Variants in LCP2 observed in about 807,000 individuals in gnomAD.
LCP2 encodes lymphocyte cytosolic protein 2.
Under a neutral mutation model 74.5 loss-of-function variants are expected in LCP2, and 29 were observed. That is an observed-to-expected ratio of 0.39 (90% CI 0.29 to 0.53). LCP2 has a LOEUF of 0.53. Among genes scored for constraint, LCP2 ranks in the 20% least tolerant of loss-of-function variants. LCP2 has a pLI of 0.72. For missense variants in LCP2, 604 were observed against 634.6 expected (o/e 0.95, Z 0.52); for synonymous variants, 228 against 229.5 (o/e 0.99, Z 0.06).
chr5:170,278,314 T>TG (rs200809214), intron 3 of LCP2, among the ~76,000 whole-genome samples: 5,015 of 79,438 alleles, frequency 0.063, 286 homozygotes, highest in Non-Finnish European at 0.078. Flanking sequence ...ACATGCAGAG[T>TG]GGGGGGCTGG....
chr5:170,273,731 C>A, intron 6 of LCP2: 1 of 155,522 alleles, frequency 6.4e-6, no homozygotes, highest in Admixed American at 6.3e-5. Flanking sequence ...TTGTACAATC[C>A]GTCAGACTCT....
chr5:170,263,112 A>C (rs1451362288), intron 10 of LCP2, 120 bp from the exon 11 acceptor site: 1 of 1,193,936 alleles, frequency 8.4e-7, no homozygotes, highest in African/African-American at 1.5e-5. Context: ...GGGTTTAAGC[A>C]TTAAAGAATC....
At chr5:170,270,955 G>C (rs1209705279) in intron 6 of LCP2, 38 bp from the exon 7 acceptor site, 1 of 1,545,540 alleles carries the variant, frequency 6.5e-7, no homozygotes, top group Admixed American at 1.9e-5. Flanking sequence ...AGTTTGTAGA[G>C]GCTCTGTGGC....
At chr5:170,264,753 G>C (rs540607366) in intron 10 of LCP2, among the ~76,000 whole-genome samples, 35 of 152,076 alleles carry the variant, frequency 2.3e-4, no homozygotes, top group African/African-American at 8.4e-4. Context: ...GAGCTATGAT[G>C]CTGTCACTGC....
chr5:170,258,746 C>G, intron 15 of LCP2, 120 bp downstream of exon 15: 1 of 642,976 alleles, frequency 1.6e-6, no homozygotes, highest in Non-Finnish European at 2.7e-6. Flanking sequence ...CTACTTAATA[C>G]TAATTTAAGA....
At chr5:170,293,425 G>T in intron 1 of LCP2, 53 bp from the exon 2 acceptor site, 3 of 1,520,552 alleles carry the variant, frequency 2.0e-6, no homozygotes, top group Non-Finnish European at 2.7e-6. Flanking sequence ...CTTACCATTG[G>T]TTCCTCTCCC....
At chr5:170,253,313 C>T in intron 17 of LCP2, 100 bp from the exon 18 acceptor site, 2 of 750,366 alleles carry the variant, frequency 2.7e-6, no homozygotes, top group African/African-American at 3.6e-5. Context: ...AAAAAAATAC[C>T]CTTGCGATTG....
At chr5:170,277,645 G>A (rs1010323047) in intron 3 of LCP2, among the ~76,000 whole-genome samples, 1 of 151,390 alleles carries the variant, frequency 6.6e-6, no homozygotes, top group African/African-American at 2.4e-5. Context: ...TCAGGAGGCT[G>A]AGGCAGGAGA....
At chr5:170,262,043 A>AC (rs1761663810) in intron 13 of LCP2, among the ~76,000 whole-genome samples, 1 of 152,122 alleles carries the variant, frequency 6.6e-6, no homozygotes, top group African/African-American at 2.4e-5. Context: ...GATAGTTATG[A>AC]CCCCTGATTC....
intron 16 of LCP2, 148 bp downstream of exon 16, chr5:170,257,889 A>G: frequency 1.3e-6 from 1 of 759,974 alleles, no homozygotes; most frequent in Non-Finnish European, 2.2e-6. Context: ...CTTAATGCTC[A>G]GTTTGGTTTT....
chr5:170,249,267 G>C (rs530918744), intron 20 of LCP2, among the ~76,000 whole-genome samples: 7 of 151,940 alleles, frequency 4.6e-5, no homozygotes, highest in African/African-American at 1.7e-4. Context: ...AGAGGTTGCA[G>C]TGAGCCGAGA....
intron 3 of LCP2, 109 bp from the exon 4 acceptor site, chr5:170,275,969 C>A: frequency 1.1e-6 from 1 of 881,338 alleles, no homozygotes; most frequent in South Asian, 1.5e-5. Context: ...CCAGGGCCAA[C>A]TTTGGCCAGG....
rs747031138 is a variant in LCP2 at position 170,267,064 on chromosome 5, T to C, written c.633A>G (p.Pro211=). The change falls in exon 9 of 21, where the codon CCA becomes CCG. Residue 211 remains proline, a synonymous_variant. Coordinates refer to ENST00000046794, the MANE Select transcript of LCP2 (RefSeq NM_005565.5). The stretch of plus-strand genomic sequence containing the variant: ...TGGGTTCTTCGTGGTTGGTCTGGGG[T>C]GGGGGCAGTGGCTGCATAAAGATCC... ...PAGRNHSPLP[P]PQTNHEEPSR... is the part of the protein sequence containing the mutation. The C allele has an allele frequency of 8.1e-6, 13 of 1,613,646 alleles. No homozygotes were observed. In the African/African-American group the frequency reaches 1.5e-4, roughly 18 times the overall value.
Position 170,266,840 on chromosome 5 carries a change from A to G in LCP2, c.740T>C (p.Leu247Ser). 1.2e-6 allele frequency: 2 copies of G among 1,613,976 alleles called. No homozygotes were observed. The highest frequency in any genetic ancestry group is 2.2e-5 in the South Asian group (2 of 91,080). Residue 247 changes from leucine (L) to serine (S), a missense_variant, in exon 10 of 21, where the codon TTA becomes TCA. Leu to Ser is a moderately radical substitution (Grantham distance 145). Transcript: ENST00000046794. ...GAAGGGTTCTCTATCAAACGGAGCT[A>G]ATGAACGATCTAGGGGAGGTTTCGT... The part of the protein sequence containing the change: ...RSTKPPLDRS[L>S]APFDREPFTL...
chr5:170,285,400 G>A (rs1762167599), intron 3 of LCP2, among the ~76,000 whole-genome samples: 1 of 152,056 alleles, frequency 6.6e-6, no homozygotes. Flanking sequence ...CTGCTCATTT[G>A]TGTGCCTGTT....
chr5:170,258,911 C>T lies in LCP2; in HGVS notation c.958-33G>A, dbSNP rs1251302844. 20 of 1,493,052 alleles carry T rather than the reference C, an allele frequency of 1.3e-5. No homozygotes were observed. In the Admixed American group the frequency reaches 3.7e-4, roughly 28 times the overall value. 92.5% of individuals were successfully genotyped at this position (1,493,052 alleles called of 1,614,324 possible). A position where few individuals can be genotyped will look rare whatever the true frequency, so the allele number is the denominator to read the frequency against. ...GGGGAAGAAAAAAAAAGATATTAAGCTATCATCAAAATACAATTCTTAAAA... is the reference window on the plus strand; with the variant it reads ...GGGGAAGAAAAAAAAAGATATTAAGTTATCATCAAAATACAATTCTTAAAA... On this transcript the variant is annotated intron_variant, in intron 14 of 20. Coordinates refer to ENST00000046794, the MANE Select transcript of LCP2 (RefSeq NM_005565.5).
At chr5:170,248,873 T>A in intron 20 of LCP2, 54 bp from the exon 21 acceptor site, 1 of 1,586,254 alleles carries the variant, frequency 6.3e-7, no homozygotes, top group South Asian at 1.1e-5. Context: ...AAGCAGGAAC[T>A]TCACTTTCAG....
At position 170,270,709 on chromosome 5, in the gene LCP2, G is replaced by A. The variant is rs756168965; in HGVS notation, c.523+10C>T. ...TGCTCGGGCCAGAAAATCCGGAAAC[G>A]GGCCCTTACCGATGTACATGGAGTT... is the stretch of plus-strand genomic sequence containing the variant. On this transcript the variant is annotated intron_variant, in intron 7 of 20. Transcript: ENST00000046794. The A allele has an allele frequency of 2.6e-6, 4 of 1,555,424 alleles. No homozygotes were observed. The highest frequency in any genetic ancestry group is 2.8e-5 in the African/African-American group (2 of 71,632).
chr5:170,256,532 A>C lies in LCP2; in HGVS notation c.1144T>G (p.Ser382Ala). 6.2e-7 allele frequency: 1 copy of C among 1,612,900 alleles called. No individual in the cohort carries two copies. Among genetic ancestry groups the C allele is most frequent in the Non-Finnish European group, 8.5e-7 (1 of 1,178,878 alleles). ...AAAAGCCCAGAGTACAAACCTTGAG[A>C]GAAGTATGGTGGCAGGGAGGCACTC... ...PQSASLPPYF[S>A]QGPSNRPPIR... The change falls in exon 17 of 21, where the codon TCT (serine) becomes GCT (alanine). Residue 382 changes from serine to alanine, a missense_variant. Transcript: ENST00000046794. The surrounding 1 kb of genome is among the most constrained non-coding windows in gnomAD (Gnocchi z 4.5).
Sources: allele counts gnomAD v4.1 joint callset (sites outside exome capture counted in the v4.1 genomes callset), GRCh38; gene constraint gnomAD v4.1.1; non-coding constraint Gnocchi (gnomAD v3.1); transcripts MANE v1.5; gene names NCBI Gene and HGNC (gene_info 2026-07-23, HGNC 2026-07-21).